Variants in ZNF713 observed in about 807,000 individuals in gnomAD.
The protein encoded by ZNF713 is zinc finger protein 713.
ZNF713 carries 21 observed loss-of-function variants against 28.7 expected under a neutral mutation model. The ratio of observed to expected loss-of-function variants is 0.73; its 90% CI spans 0.52 to 1.05. The LOEUF is 1.05. Among genes scored for constraint, ZNF713 ranks in the 50% least tolerant of loss-of-function variants. The probability of loss-of-function intolerance (pLI) is 0.00; values close to 1 mark genes in which losing one functional copy is unlikely to be tolerated. For missense variants in ZNF713, 458 were observed against 532.4 expected, an observed-to-expected ratio of 0.86 and a Z score of 1.37; for synonymous variants, 167 against 178.0, an observed-to-expected ratio of 0.94 and a Z score of 0.49.
At chr7:55,897,777 C>T (rs954591795) in intron 1 of ZNF713, among the ~76,000 whole-genome samples, 1 of 152,216 alleles carries the variant, frequency 6.6e-6, no homozygotes. Flanking sequence ...ATATTGACAT[C>T]GTGAACATAT....
intron 1 of ZNF713, among the ~76,000 whole-genome samples, chr7:55,894,399 G>C (rs905290164): frequency 1.3e-5 from 2 of 152,136 alleles, no homozygotes; most frequent in East Asian, 3.8e-4. Flanking sequence ...AAACACAATA[G>C]TGGAAAAATG....
intron 6 of ZNF713, among the ~76,000 whole-genome samples, chr7:55,926,468 T>G (rs985797046): frequency 9.9e-5 from 15 of 152,176 alleles, no homozygotes; most frequent in African/African-American, 3.6e-4. Context: ...TGTTTGCATT[T>G]CTTCAATATC....
chr7:55,936,296 C>G (rs946425609), intron 6 of ZNF713, among the ~76,000 whole-genome samples: 1 of 150,068 alleles, frequency 6.7e-6, no homozygotes, highest in Non-Finnish European at 1.5e-5. Context: ...AGAGGGACTT[C>G]CGTGAGGAGA....
At chr7:55,914,599 GAA>G (rs1237267364) in intron 4 of ZNF713, among the ~76,000 whole-genome samples, 2 of 152,236 alleles carry the variant, frequency 1.3e-5, no homozygotes, top group African/African-American at 4.8e-5. Flanking sequence ...GGTGCTGGGA[GAA>G]GGGAGAAGTC....
chr7:55,919,610 A>G (rs572980879), intron 4 of ZNF713, among the ~76,000 whole-genome samples: 7 of 147,324 alleles, frequency 4.8e-5, no homozygotes, highest in Admixed American at 1.4e-4. Flanking sequence ...GGTTCAAGCA[A>G]TTCTCCTGCC....
At chr7:55,915,242 T>G (rs1032078958) in intron 4 of ZNF713, among the ~76,000 whole-genome samples, 5 of 152,254 alleles carry the variant, frequency 3.3e-5, no homozygotes, top group African/African-American at 1.2e-4. Flanking sequence ...GGAGTTAGTT[T>G]TAATTTTCTG....
chr7:55,930,814 C>T (rs1373691576), intron 6 of ZNF713, among the ~76,000 whole-genome samples: 1 of 152,072 alleles, frequency 6.6e-6, no homozygotes, highest in East Asian at 1.9e-4. Context: ...CCTGCAACAG[C>T]AGAGCTGAGT....
chr7:55,933,201 C>T (rs1426000991), intron 6 of ZNF713, among the ~76,000 whole-genome samples: 1 of 152,000 alleles, frequency 6.6e-6, no homozygotes, highest in Non-Finnish European at 1.5e-5. Flanking sequence ...CACACCACTG[C>T]ACTCCAGCCT....
intron 1 of ZNF713, among the ~76,000 whole-genome samples, chr7:55,893,163 G>T (rs1019249057): frequency 6.6e-6 from 1 of 152,030 alleles, no homozygotes; most frequent in African/African-American, 2.4e-5. Context: ...GATTACAGGC[G>T]TGAGCTACCG....
intron 1 of ZNF713, among the ~76,000 whole-genome samples, chr7:55,899,071 C>T (rs1785523429): frequency 6.6e-6 from 1 of 151,928 alleles, no homozygotes. Flanking sequence ...AACAAAAAAT[C>T]GGCCAGGCAC....
chr7:55,919,348 C>T lies in ZNF713; in HGVS notation c.88-3814C>T, dbSNP rs191784534. On this transcript the variant is annotated intron_variant, in intron 4 of 6. Transcript: ENST00000429591. The stretch of plus-strand genomic sequence containing the variant: ...CTCAGAGGACCTGTCCTCTCTTAAA[C>T]GCAAGGTTTCTAAGAATGGTTAAGG... Among the ~76,000 whole-genome samples the T allele has an allele frequency of 1.5e-4, 23 of 152,230 alleles. No individual in the cohort carries two copies. In the East Asian group the frequency reaches 1.5e-3, roughly 10 times the overall value.
At chr7:55,902,055 G>A (rs1465371149) in intron 1 of ZNF713, among the ~76,000 whole-genome samples, 1 of 152,146 alleles carries the variant, frequency 6.6e-6, no homozygotes, top group East Asian at 1.9e-4. Flanking sequence ...GCCAGGCTTG[G>A]TGACGTGTGC....
At chr7:55,908,155 T>G (rs1785719061) in intron 2 of ZNF713, among the ~76,000 whole-genome samples, 1 of 134,086 alleles carries the variant, frequency 7.5e-6, no homozygotes, top group South Asian at 2.5e-4. Flanking sequence ...TTTTTTTTTT[T>G]TTTTTGAGAT....
intron 4 of ZNF713, chr7:55,918,172 C>T (rs1206274478): frequency 4.4e-6 from 2 of 454,122 alleles, no homozygotes; most frequent in Admixed American, 4.7e-5. Context: ...GATGCTTACT[C>T]TAAACCCGAC....
chr7:55,913,365 C>A (rs1382707615), intron 4 of ZNF713, among the ~76,000 whole-genome samples: 1 of 151,820 alleles, frequency 6.6e-6, no homozygotes, highest in Non-Finnish European at 1.5e-5. Flanking sequence ...CCACGCCCGG[C>A]CAATTTTTTG....
rs55656709 is a variant in ZNF713 at position 55,919,490 on chromosome 7, G to GTT, written c.88-3640_88-3639dup. 1.2e-3 allele frequency among the ~76,000 whole-genome samples: 81 copies of GTT among 66,736 alleles called. 6 individuals carry two copies. Among genetic ancestry groups the GTT allele is most frequent in the Non-Finnish European group, 1.8e-3 (58 of 32,204 alleles). 43.8% of individuals were successfully genotyped at this position (66,736 alleles called of 152,430 possible). On this transcript the variant is annotated intron_variant, in intron 4 of 6. Transcript: ENST00000429591. ...GCTGGATAAATTGGTAAACACTCCAGTTTTTTTTTTTTTTTTTTTTTTTTT... is the reference window on the plus strand; with the variant it reads ...GCTGGATAAATTGGTAAACACTCCAGTTTTTTTTTTTTTTTTTTTTTTTTTTT...
chr7:55,913,403 GAGTT>G (rs1348420755), intron 4 of ZNF713, among the ~76,000 whole-genome samples: 1 of 150,510 alleles, frequency 6.6e-6, no homozygotes, highest in African/African-American at 2.4e-5. Context: ...AGCTTTCACT[GAGTT>G]AGCCAGGATG....
chr7:55,922,193 T>C (rs1422643638), intron 4 of ZNF713, among the ~76,000 whole-genome samples: 1 of 151,346 alleles, frequency 6.6e-6, no homozygotes, highest in Non-Finnish European at 1.5e-5. Context: ...TCCCAAAGTG[T>C]TGGGATTATA....
intron 1 of ZNF713, among the ~76,000 whole-genome samples, chr7:55,897,447 T>G (rs1474218569): frequency 1.3e-5 from 2 of 151,822 alleles, no homozygotes; most frequent in Non-Finnish European, 2.9e-5. Flanking sequence ...ACCCAGCTAA[T>G]TTTTTCTTTT....
Sources: gnomAD v4.1 joint callset for allele counts (sites outside exome capture counted in the v4.1 genomes callset) on GRCh38, gnomAD v4.1.1 for gene constraint, MANE v1.5 for transcripts, NCBI Gene and HGNC (gene_info 2026-07-23, HGNC 2026-07-21) for gene names.